The following CTNS variants were observed in gnomAD, a reference collection of about 807,000 sequenced individuals.
CTNS encodes the protein cystinosin, lysosomal cystine transporter.
CTNS carries 27 observed loss-of-function variants against 43.7 expected under a neutral mutation model. That is an observed-to-expected ratio of 0.62 (90% CI 0.46 to 0.85). The LOEUF is 0.85. Ranked by LOEUF, CTNS falls within the 40% of genes least tolerant of loss-of-function variation. The pLI, the probability that CTNS is intolerant of heterozygous loss-of-function variation, is 0.00. For missense variants in CTNS, 457 were observed against 475.4 expected (o/e 0.96, Z 0.36); for synonymous variants, 187 against 190.6 (o/e 0.98, Z 0.16).
Position 3,641,359 on chromosome 17 carries a change from CATAT to C in CTNS, c.61+1115_61+1118del, listed in dbSNP as rs1234064483. On this transcript the variant is annotated intron_variant, in intron 3 of 11. Coordinates refer to ENST00000046640, the MANE Select transcript of CTNS (RefSeq NM_004937.3). Reference sequence around the variant, plus strand: ...TTGGGTCAAATACAAAAATCAGATACATATATATATATATATATATATATATTTT... The same window carrying C: ...TTGGGTCAAATACAAAAATCAGATACATATATATATATATATATATATTTT... Among the ~76,000 whole-genome samples the C allele has an allele frequency of 6.6e-3, 139 of 21,084 alleles. 2 individuals carry two copies. Among genetic ancestry groups the C allele is most frequent in the Non-Finnish European group, 8.5e-3 (101 of 11,832 alleles). 13.8% of individuals were successfully genotyped at this position (21,084 alleles called of 152,430 possible). A position where few individuals can be genotyped will look rare whatever the true frequency, so the allele number is the denominator to read the frequency against.
At position 3,656,624 on chromosome 17, in the gene CTNS, C is replaced by T. The variant is rs372542386; in HGVS notation, c.561+38C>T. 4.7e-5 allele frequency: 75 copies of T among 1,612,568 alleles called. 2 individuals are homozygous for T. Among genetic ancestry groups the T allele is most frequent in the Admixed American group, 2.5e-4 (15 of 59,842 alleles). ...CTGCCCTACATCTCTGCCCACATGG[C>T]GTGGTGGCCCGGCTGCCCCTCACCA... On this transcript the variant is annotated intron_variant, in intron 8 of 11. Transcript: ENST00000046640.
rs2076263455 is a variant in CTNS, at chr17:3,660,721, G to C, written c.*352G>C. 2.5e-6 allele frequency: 4 copies of C among 1,613,426 alleles called. No individual in the cohort carries two copies. The African/African-American group carries it at 4.0e-5, about 16-fold the overall frequency. The stretch of plus-strand genomic sequence containing the variant: ...CAAACTACCAGCGTTTCTGCAAGCA[G>C]CTTGAAGGGCTGACCTTGCAGCCGG... On this transcript the variant is annotated 3_prime_UTR_variant, in exon 12 of 12. Transcript: ENST00000046640.
chr17:3,638,517 C>T (rs1183977292), intron 2 of CTNS, among the ~76,000 whole-genome samples: 1 of 150,368 alleles, frequency 6.7e-6, no homozygotes, highest in Non-Finnish European at 1.5e-5. Flanking sequence ...GAATTACACA[C>T]ACGAGCCACT....
intron 3 of CTNS, among the ~76,000 whole-genome samples, chr17:3,641,369 T>G (rs199517566): frequency 0.071 from 4,291 of 60,732 alleles, 859 homozygotes; most frequent in South Asian, 0.087. Context: ...CATATATATA[T>G]ATATATATAT....
intron 5 of CTNS, among the ~76,000 whole-genome samples, chr17:3,654,569 G>T (rs2076076372): frequency 6.6e-6 from 1 of 151,684 alleles, no homozygotes; most frequent in Non-Finnish European, 1.5e-5. Context: ...AGGTACTCGG[G>T]ACTCAGGAGC....
At position 3,660,231 on chromosome 17, in the gene CTNS, A is replaced by G; in HGVS notation, c.971-5A>G. 2 of 1,614,194 alleles carry G rather than the reference A, an allele frequency of 1.2e-6. No individual in the cohort carries two copies. Among genetic ancestry groups the G allele is most frequent in the Non-Finnish European group, 1.7e-6 (2 of 1,180,042 alleles). On this transcript the variant is annotated splice_region_variant and splice_polypyrimidine_tract_variant and intron_variant, in intron 11 of 11. Coordinates refer to ENST00000046640, the MANE Select transcript of CTNS (RefSeq NM_004937.3). Reference sequence around the variant, plus strand: ...CACCAGCTTCTGTCCCCCGGCTGCTAACAGACCAGTGGACGCTGATCTTCG... The same window carrying G: ...CACCAGCTTCTGTCCCCCGGCTGCTGACAGACCAGTGGACGCTGATCTTCG...
rs1001609877 is a variant in CTNS at position 3,641,363 on chromosome 17, T to C, written c.61+1096T>C. Among the ~76,000 whole-genome samples, 12 of 17,326 alleles carry C rather than the reference T, an allele frequency of 6.9e-4. 1 individual carries two copies. The highest frequency in any genetic ancestry group is 3.1e-3 in the East Asian group (3 of 958). The allele number at this position is 17,326 out of a possible 152,430, so 11.4% of individuals were successfully genotyped here. ...GTCAAATACAAAAATCAGATACATA[T>C]ATATATATATATATATATATATTTT... On this transcript the variant is annotated intron_variant, in intron 3 of 11. Transcript: ENST00000046640.
At chr17:3,649,659 G>A (rs2075930864) in intron 5 of CTNS, among the ~76,000 whole-genome samples, 1 of 152,064 alleles carries the variant, frequency 6.6e-6, no homozygotes, top group Admixed American at 6.6e-5. Flanking sequence ...GACACCACTG[G>A]TTGGGTGTCG....
rs2150925436 is a variant in CTNS, at chr17:3,658,158, GTC to G, written c.836_837del (p.Val279GlufsTer16). On this transcript the variant is annotated frameshift_variant, in exon 10 of 12. Transcript: ENST00000046640. LOFTEE classifies it high-confidence loss of function. The stretch of plus-strand genomic sequence containing the variant: ...CTACATCAAGCTCGCAGTCACGCTG[GTC>G]AAGTATTTTCCACAGGTACCTCCAG... ...FSYIKLAVTLVKYFPQAYMNF... is the reference protein window; with the variant it reads ...FSYIKLAVTLXKYFPQAYMNF... The G allele has an allele frequency of 1.2e-6, 2 of 1,611,998 alleles. No homozygotes were observed. The highest frequency in any genetic ancestry group is 1.7e-6 in the Non-Finnish European group (2 of 1,179,756).
intron 5 of CTNS, among the ~76,000 whole-genome samples, chr17:3,653,388 G>A (rs2076038025): frequency 6.6e-6 from 1 of 152,160 alleles, no homozygotes; most frequent in South Asian, 2.1e-4. Flanking sequence ...ATTCCAGACT[G>A]GCAACAGAGT....
At chr17:3,655,191 G>C in intron 6 of CTNS, 30 bp from the exon 7 acceptor site, 1 of 1,614,148 alleles carries the variant, frequency 6.2e-7, no homozygotes, top group South Asian at 1.1e-5. Flanking sequence ...CCCAGCCTCA[G>C]CTCATCCCGG....
intron 3 of CTNS, among the ~76,000 whole-genome samples, chr17:3,642,659 G>C (rs375235537): frequency 9.2e-5 from 14 of 152,310 alleles, no homozygotes; most frequent in African/African-American, 3.4e-4. Context: ...CTGCACTCCA[G>C]CCTGGGTGAC....
At chr17:3,656,639 G>C in intron 8 of CTNS, 37 bp from the exon 9 acceptor site, 1 of 1,612,542 alleles carries the variant, frequency 6.2e-7, no homozygotes, top group South Asian at 1.1e-5. Context: ...TGGCCCGGCT[G>C]CCCCTCACCA....
At chr17:3,642,514 C>A (rs1474222394) in intron 3 of CTNS, among the ~76,000 whole-genome samples, 2 of 152,012 alleles carry the variant, frequency 1.3e-5, no homozygotes, top group South Asian at 2.1e-4. Flanking sequence ...ATGGTGAAAC[C>A]CCGTCTCTAC....
intron 3 of CTNS, among the ~76,000 whole-genome samples, chr17:3,644,487 C>T (rs1021528763): frequency 1.3e-5 from 2 of 152,136 alleles, no homozygotes; most frequent in African/African-American, 2.4e-5. Flanking sequence ...TTTGTTGAGA[C>T]GGAGTCTCAC....
intron 5 of CTNS, among the ~76,000 whole-genome samples, chr17:3,654,132 G>C (rs574336226): frequency 6.6e-6 from 1 of 152,276 alleles, no homozygotes; most frequent in South Asian, 2.1e-4. Context: ...TGGTATTGTA[G>C]TATAGCAGTG....
chr17:3,654,458 G>A (rs2076072235), intron 5 of CTNS, among the ~76,000 whole-genome samples: 1 of 151,998 alleles, frequency 6.6e-6, no homozygotes. Context: ...CGGATCACCT[G>A]AGGTCAGGAG....
chr17:3,639,971 C>T (rs1258469964), intron 2 of CTNS, among the ~76,000 whole-genome samples: 1 of 152,146 alleles, frequency 6.6e-6, no homozygotes, highest in South Asian at 2.1e-4. Flanking sequence ...TTTACACAAC[C>T]CATTTATCTG....
At chr17:3,642,261 T>A (rs1202945688) in intron 3 of CTNS, among the ~76,000 whole-genome samples, 5 of 151,938 alleles carry the variant, frequency 3.3e-5, no homozygotes, top group South Asian at 2.1e-4. Context: ...CCACTCCAGT[T>A]ACCTGGAGGG....
Sources: allele counts gnomAD v4.1 joint callset (sites outside exome capture counted in the v4.1 genomes callset), GRCh38; gene constraint gnomAD v4.1.1; transcripts MANE v1.5; gene names NCBI Gene and HGNC (gene_info 2026-07-23, HGNC 2026-07-21).